Variants in FAM241A observed in about 807,000 individuals in gnomAD.
FAM241A encodes family with sequence similarity 241 member A.
In FAM241A, 7 loss-of-function variants were observed where a neutral mutation model predicts 12.2. The ratio of observed to expected loss-of-function variants is 0.58; its 90% CI spans 0.33 to 1.08. FAM241A has a LOEUF of 1.08. Ranked by LOEUF, FAM241A falls within the 50% of genes least tolerant of loss-of-function variation. The probability of loss-of-function intolerance (pLI) is 0.04; values close to 1 mark genes in which losing one functional copy is unlikely to be tolerated. For missense variants in FAM241A, 161 were observed against 169.7 expected (o/e 0.95, Z 0.29); for synonymous variants, 74 against 68.2 (o/e 1.08, Z -0.42).
At chr4:112,186,627 T>C in intron 1 of FAM241A, 66 bp from the exon 2 acceptor site, 1 of 1,457,154 alleles carries the variant, frequency 6.9e-7, no homozygotes, top group Non-Finnish European at 9.3e-7. Flanking sequence ...AGAACTAAGG[T>C]TCTTAAAGAC....
chr4:112,167,470 G>A (rs1046892012), intron 1 of FAM241A, among the ~76,000 whole-genome samples: 1 of 152,194 alleles, frequency 6.6e-6, no homozygotes, highest in Non-Finnish European at 1.5e-5. Flanking sequence ...AGAGCAGATG[G>A]TTATGAACTT....
intron 1 of FAM241A, among the ~76,000 whole-genome samples, chr4:112,154,824 G>T (rs970286255): frequency 6.6e-6 from 1 of 152,066 alleles, no homozygotes; most frequent in Non-Finnish European, 1.5e-5. Flanking sequence ...CCTGAGGCCA[G>T]GAGTTCGAGA....
At chr4:112,175,776 A>AG (rs1560584445) in intron 1 of FAM241A, among the ~76,000 whole-genome samples, 1 of 152,080 alleles carries the variant, frequency 6.6e-6, no homozygotes, top group African/African-American at 2.4e-5. Context: ...AAAAAAAAAA[A>AG]GAAAGAAAAT....
chr4:112,153,219 C>T (rs1369745578), intron 1 of FAM241A, among the ~76,000 whole-genome samples: 3 of 148,926 alleles, frequency 2.0e-5, no homozygotes, highest in African/African-American at 7.4e-5. Context: ...GTTTCTTTTC[C>T]CCCTTGTTGC....
intron 1 of FAM241A, among the ~76,000 whole-genome samples, chr4:112,171,014 T>C (rs1723708359): frequency 2.0e-5 from 3 of 152,156 alleles, no homozygotes; most frequent in Admixed American, 2.0e-4. Flanking sequence ...TTGTTTTTTA[T>C]TTTTAAGAAA....
At chr4:112,158,491 C>G (rs1019194384) in intron 1 of FAM241A, among the ~76,000 whole-genome samples, 2 of 151,906 alleles carry the variant, frequency 1.3e-5, no homozygotes, top group Non-Finnish European at 2.9e-5. Flanking sequence ...TGATCTAAGT[C>G]AAGATAGAAG....
chr4:112,145,740 G>A lies in FAM241A; in HGVS notation c.153+7G>A, dbSNP rs557623598. On this transcript the variant is annotated splice_region_variant and intron_variant, in intron 1 of 1. Coordinates refer to ENST00000309733, the MANE Select transcript of FAM241A (RefSeq NM_152400.3). Reference sequence around the variant, plus strand: ...GCCGAAGGAGAGCGAGCAGGTGAGCGCGGGGAGGGGCGGCGGCGAAGCGGC... The same window carrying A: ...GCCGAAGGAGAGCGAGCAGGTGAGCACGGGGAGGGGCGGCGGCGAAGCGGC... 1.7e-6 allele frequency: 2 copies of A among 1,184,940 alleles called. No homozygotes were observed. Among genetic ancestry groups the A allele is most frequent in the East Asian group, 3.7e-5 (1 of 27,392 alleles). The allele number at this position is 1,184,940 out of a possible 1,614,324, so 73.4% of individuals were successfully genotyped here.
intron 1 of FAM241A, among the ~76,000 whole-genome samples, chr4:112,156,544 A>G (rs754141601): frequency 6.6e-6 from 1 of 152,200 alleles, no homozygotes; most frequent in Non-Finnish European, 1.5e-5. Context: ...TCAGAAAATT[A>G]TTTGGGCATC....
rs1724230107 is a variant in FAM241A at position 112,194,546 on chromosome 4, T to A, written c.*7608T>A. The A allele has an allele frequency of 6.6e-6, 1 of 151,824 alleles. No individual in the cohort carries two copies. Among genetic ancestry groups the A allele is most frequent in the Non-Finnish European group, 1.5e-5 (1 of 67,996 alleles). The allele number at this position is 151,824 out of a possible 1,614,324, so 9.4% of individuals were successfully genotyped here. ...CCATCAATACCTGATTTATTGAGAG[T>A]TTTTAGCATGAAGCGTTGTTGAATT... On this transcript the variant is annotated 3_prime_UTR_variant, in exon 2 of 2. Transcript: ENST00000309733.
intron 1 of FAM241A, among the ~76,000 whole-genome samples, chr4:112,175,215 A>T (rs1560584326): frequency 6.6e-6 from 1 of 152,174 alleles, no homozygotes; most frequent in East Asian, 1.9e-4. Flanking sequence ...ATATCTGAGT[A>T]CTTAAATTAT....
rs1191931189 is a variant in FAM241A at position 112,162,792 on chromosome 4, A to C, written c.153+17059A>C. 2.0e-5 allele frequency among the ~76,000 whole-genome samples: 3 copies of C among 152,374 alleles called. No homozygotes were observed. In the East Asian group the frequency reaches 5.8e-4, roughly 29 times the overall value. On this transcript the variant is annotated intron_variant, in intron 1 of 1. Coordinates refer to ENST00000309733, the MANE Select transcript of FAM241A (RefSeq NM_152400.3). ...TCAAGCTACCAATGACTTTCTTCACAGAATTGGAAGACACTACTTTAAAGT... is the reference window on the plus strand; with the variant it reads ...TCAAGCTACCAATGACTTTCTTCACCGAATTGGAAGACACTACTTTAAAGT...
intron 1 of FAM241A, among the ~76,000 whole-genome samples, chr4:112,175,635 G>T (rs1475190860): frequency 6.6e-6 from 1 of 152,052 alleles, no homozygotes; most frequent in Non-Finnish European, 1.5e-5. Context: ...AGGTGTGGTG[G>T]CAGGTGCCTG....
intron 1 of FAM241A, among the ~76,000 whole-genome samples, chr4:112,163,811 G>C (rs1236624212): frequency 6.6e-6 from 1 of 152,156 alleles, no homozygotes; most frequent in Admixed American, 6.5e-5. Context: ...CCATTACTGG[G>C]TCTATACCCA....
chr4:112,174,003 C>T (rs1723773523), intron 1 of FAM241A, among the ~76,000 whole-genome samples: 1 of 152,206 alleles, frequency 6.6e-6, no homozygotes, highest in Admixed American at 6.5e-5. Flanking sequence ...ATTATTCATT[C>T]AAGAAAATAT....
At chr4:112,182,960 T>C (rs1385461641) in intron 1 of FAM241A, among the ~76,000 whole-genome samples, 1 of 138,668 alleles carries the variant, frequency 7.2e-6, no homozygotes, top group Admixed American at 8.6e-5. Context: ...TCCACGTTCT[T>C]TTTTTTTTTT....
intron 1 of FAM241A, among the ~76,000 whole-genome samples, chr4:112,176,687 T>G (rs974365967): frequency 6.6e-6 from 1 of 152,208 alleles, no homozygotes; most frequent in African/African-American, 2.4e-5. Flanking sequence ...TTAAGAAGGA[T>G]TTTGAATCAG....
chr4:112,170,067 C>T (rs916325480), intron 1 of FAM241A, among the ~76,000 whole-genome samples: 2 of 152,248 alleles, frequency 1.3e-5, no homozygotes, highest in African/African-American at 4.8e-5. Flanking sequence ...TCTAAAATCC[C>T]TCTGAGACTC....
At chr4:112,176,396 GTAT>G (rs1490763392) in intron 1 of FAM241A, among the ~76,000 whole-genome samples, 2 of 152,114 alleles carry the variant, frequency 1.3e-5, no homozygotes, top group Admixed American at 6.5e-5. Flanking sequence ...TCTAAAGTAG[GTAT>G]TATTATACAC....
chr4:112,175,049 G>A (rs1723792343), intron 1 of FAM241A, among the ~76,000 whole-genome samples: 1 of 152,146 alleles, frequency 6.6e-6, no homozygotes, highest in Non-Finnish European at 1.5e-5. Flanking sequence ...TCTAGCAGAT[G>A]GGTGAATTCT....
Sources: gnomAD v4.1 joint callset for allele counts (sites outside exome capture counted in the v4.1 genomes callset) on GRCh38, gnomAD v4.1.1 for gene constraint, MANE v1.5 for transcripts, NCBI Gene and HGNC (gene_info 2026-07-23, HGNC 2026-07-21) for gene names.